The following TBC1D5 variants were observed in gnomAD, a reference collection of about 807,000 sequenced individuals.
TBC1D5 encodes the protein TBC1 domain family member 5, also known as TBC1 domain family, member 5.
In TBC1D5, 75 loss-of-function variants were observed where a neutral mutation model predicts 100.3. The ratio of observed to expected loss-of-function variants is 0.75; its 90% CI spans 0.62 to 0.91. The LOEUF (loss-of-function observed/expected upper bound fraction) is 0.91. TBC1D5 is among the 40% of genes least tolerant of loss of function. The pLI is 0.00. For missense variants in TBC1D5, 910 were observed against 942.4 expected (o/e 0.97, Z 0.45); for synonymous variants, 323 against 325.6 (o/e 0.99, Z 0.09).
At chr3:17,273,691 C>T (rs1388605660) in intron 15 of TBC1D5, among the ~76,000 whole-genome samples, 2 of 151,850 alleles carry the variant, frequency 1.3e-5, no homozygotes, top group Admixed American at 1.3e-4. Flanking sequence ...CCTGTAATCC[C>T]AGCTACTTGG....
chr3:17,391,025 G>C (rs35234876), intron 8 of TBC1D5, among the ~76,000 whole-genome samples: 65,873 of 151,928 alleles, frequency 0.43, 15,154 homozygotes, highest in African/African-American at 0.52. Flanking sequence ...TGTGGGACCA[G>C]GAAATACACT....
At chr3:17,701,754 A>G (rs974484316) in intron 1 of TBC1D5, among the ~76,000 whole-genome samples, 14 of 152,218 alleles carry the variant, frequency 9.2e-5, no homozygotes, top group Non-Finnish European at 1.9e-4. Flanking sequence ...AACTGAGAGT[A>G]AAGATGCAGG....
chr3:17,574,658 T>G (rs1446874303), intron 2 of TBC1D5, among the ~76,000 whole-genome samples: 1 of 152,106 alleles, frequency 6.6e-6, no homozygotes, highest in Non-Finnish European at 1.5e-5. Context: ...GGATTTATTT[T>G]CTCATAGTCC....
intron 3 of TBC1D5, among the ~76,000 whole-genome samples, chr3:17,494,064 C>T (rs2095671674): frequency 1.3e-5 from 2 of 152,278 alleles, no homozygotes; most frequent in South Asian, 4.1e-4. Context: ...GTTTATCTAC[C>T]TTCAATCTTT....
chr3:17,705,531 C>A (rs1461176589), intron 1 of TBC1D5, among the ~76,000 whole-genome samples: 1 of 145,186 alleles, frequency 6.9e-6, no homozygotes. Context: ...ACTTCTCAGA[C>A]GGGGCGGCCG....
At chr3:17,246,801 G>A (rs141993426) in intron 16 of TBC1D5, among the ~76,000 whole-genome samples, 2 of 152,250 alleles carry the variant, frequency 1.3e-5, no homozygotes, top group African/African-American at 2.4e-5. Flanking sequence ...ATGAAAACAA[G>A]AGACTATCTT....
intron 3 of TBC1D5, among the ~76,000 whole-genome samples, chr3:17,459,834 T>G (rs897349449): frequency 6.6e-6 from 1 of 152,160 alleles, no homozygotes; most frequent in African/African-American, 2.4e-5. Flanking sequence ...TGAAGGCACA[T>G]GTCTTAGAAA....
In TBC1D5 at chr3:17,378,488, GT is replaced by G. The variant is rs2092799920; in HGVS notation, c.613-1876del. 3.9e-5 allele frequency among the ~76,000 whole-genome samples: 6 copies of G among 151,908 alleles called. No homozygotes were observed. The South Asian group carries it at 1.2e-3, about 32-fold the overall frequency. ...ATTGAACCCCAAAATTTTATTGACC[GT>G]TTTTACTTAATAAATTGCCCTTTTT... On this transcript the variant is annotated intron_variant, in intron 9 of 21. Transcript: ENST00000253692.
At chr3:17,402,431 ATAGTT>A (rs1217483024) in intron 8 of TBC1D5, among the ~76,000 whole-genome samples, 1 of 152,150 alleles carries the variant, frequency 6.6e-6, no homozygotes. Context: ...ATAATGATTT[ATAGTT>A]TAAAGTATAA....
intron 15 of TBC1D5, among the ~76,000 whole-genome samples, chr3:17,287,600 C>T (rs897756925): frequency 1.3e-5 from 2 of 152,222 alleles, no homozygotes; most frequent in Non-Finnish European, 2.9e-5. Flanking sequence ...AGATAACCTG[C>T]TCTGCCTACC....
At chr3:17,251,175 T>G (rs1170714888) in intron 16 of TBC1D5, among the ~76,000 whole-genome samples, 1 of 152,158 alleles carries the variant, frequency 6.6e-6, no homozygotes, top group African/African-American at 2.4e-5. Context: ...TCCCTGGCGA[T>G]TTGTTCATCA....
intron 3 of TBC1D5, among the ~76,000 whole-genome samples, chr3:17,469,963 T>G (rs572179505): frequency 2.0e-5 from 3 of 152,252 alleles, no homozygotes; most frequent in African/African-American, 7.2e-5. Context: ...TCATCTCATT[T>G]TGATCCACCT....
chr3:17,243,366 A>T, intron 16 of TBC1D5, among the ~76,000 whole-genome samples: 1 of 152,184 alleles, frequency 6.6e-6, no homozygotes, highest in East Asian at 1.9e-4. Flanking sequence ...GAAGAATCAA[A>T]TTTTTTAATG....
At chr3:17,570,150 CT>C (rs2153503643) in intron 2 of TBC1D5, among the ~76,000 whole-genome samples, 2 of 152,026 alleles carry the variant, frequency 1.3e-5, no homozygotes, top group South Asian at 4.1e-4. Flanking sequence ...TTGACCTTAC[CT>C]TATCCCAAGT....
intron 13 of TBC1D5, among the ~76,000 whole-genome samples, chr3:17,335,930 T>C (rs568089177): frequency 6.6e-6 from 1 of 152,240 alleles, no homozygotes; most frequent in Admixed American, 6.5e-5. Flanking sequence ...CTGGCTTCTT[T>C]CCTTGTTTTC....
intron 1 of TBC1D5, among the ~76,000 whole-genome samples, chr3:17,704,393 A>G (rs1382491809): frequency 6.6e-6 from 1 of 151,768 alleles, no homozygotes; most frequent in Non-Finnish European, 1.5e-5. Context: ...CTATTCCACA[A>G]AGCAGCCATT....
At chr3:17,417,811 G>A (rs1453859154) in intron 4 of TBC1D5, among the ~76,000 whole-genome samples, 2 of 152,114 alleles carry the variant, frequency 1.3e-5, no homozygotes, top group Non-Finnish European at 2.9e-5. Context: ...CCCACCAACA[G>A]TGTAAAAGTG....
chr3:17,685,251 T>G (rs2070094545), intron 1 of TBC1D5, among the ~76,000 whole-genome samples: 1 of 151,988 alleles, frequency 6.6e-6, no homozygotes, highest in Non-Finnish European at 1.5e-5. Context: ...GCCTTAGAGC[T>G]GATACTTTAA....
At chr3:17,589,888 T>G (rs563150417) in intron 2 of TBC1D5, among the ~76,000 whole-genome samples, 1 of 152,236 alleles carries the variant, frequency 6.6e-6, no homozygotes, top group Admixed American at 6.5e-5. Context: ...TGCAAACCGA[T>G]AAATGCTATT....
Sources: gnomAD v4.1 joint callset for allele counts (sites outside exome capture counted in the v4.1 genomes callset) on GRCh38, gnomAD v4.1.1 for gene constraint, MANE v1.5 for transcripts, NCBI Gene and HGNC (gene_info 2026-07-23, HGNC 2026-07-21) for gene names.